Variants in MCM6 observed in about 807,000 individuals in gnomAD.
The protein encoded by MCM6 is DNA replication licensing factor MCM6.
MCM6 carries 46 observed loss-of-function variants against 94.3 expected under a neutral mutation model. The ratio of observed to expected loss-of-function variants is 0.49; its 90% CI spans 0.39 to 0.62. MCM6 has a LOEUF of 0.62. Among genes scored for constraint, MCM6 ranks in the 20% least tolerant of loss-of-function variants. The probability of loss-of-function intolerance (pLI) is 0.00; values close to 1 mark genes in which losing one functional copy is unlikely to be tolerated. For synonymous variants in MCM6, 335 were observed against 351.9 expected, an observed-to-expected ratio of 0.95 and a Z score of 0.54; for missense variants, 865 against 1,017.9, an observed-to-expected ratio of 0.85 and a Z score of 2.04.
chr2:135,847,496 A>G (rs1383278154), intron 14 of MCM6, among the ~76,000 whole-genome samples: 1 of 152,218 alleles, frequency 6.6e-6, no homozygotes, highest in Non-Finnish European at 1.5e-5. Flanking sequence ...AACAATACAA[A>G]TAAGGGTAAA....
rs1249329958 is a variant in MCM6 at position 135,866,173 on chromosome 2, G to C, written c.886C>G (p.Leu296Val). 6.2e-7 allele frequency: 1 copy of C among 1,614,174 alleles called. No homozygotes were observed. The highest frequency in any genetic ancestry group is 1.1e-5 in the South Asian group (1 of 91,086). Residue 296 changes from leucine (L) to valine (V), a missense_variant, in exon 6 of 17, where the codon CTG becomes GTG. By Grantham distance (32) the Leu-to-Val change is conservative (BLOSUM62 1). Around this residue, in one of 3 missense-constraint regions of MCM6, gnomAD observed 404 missense variants for 451.9 expected, o/e 0.89. Transcript: ENST00000264156. ...GCAACACAGCAGGCAAGAAAGACCAGCCTATAAGAAAGGTCCCTAACACCA... is the reference window on the plus strand; with the variant it reads ...GCAACACAGCAGGCAAGAAAGACCACCCTATAAGAAAGGTCCCTAACACCA... Reference protein sequence around the residue: ...ALGVRDLSYRLVFLACCVAPT... With the variant: ...ALGVRDLSYRVVFLACCVAPT...
At position 135,851,530 on chromosome 2, in the gene MCM6, G is replaced by T; in HGVS notation, c.1789C>A (p.Gln597Lys). The T allele has an allele frequency of 1.2e-6, 2 of 1,611,558 alleles. No individual in the cohort carries two copies. The part of the protein sequence containing the change: ...SKESEDFIVE[Q>K]YKHLRQRDGS... The stretch of plus-strand genomic sequence containing the variant: ...TCTCTCTGGCGGAGATGTTTATATT[G>T]CTCCACAATGAAGTCCTCTGACTCT... The change falls in exon 13 of 17, where the codon CAA becomes AAA. Residue 597 changes from glutamine to lysine, a missense_variant. Transcript: ENST00000264156.
At chr2:135,875,569 A>G (rs773882102) in intron 1 of MCM6, among the ~76,000 whole-genome samples, 1 of 152,274 alleles carries the variant, frequency 6.6e-6, no homozygotes, top group Middle Eastern at 3.4e-3. Context: ...CAGGAAAAAT[A>G]ACCGGTGGGT....
intron 13 of MCM6, among the ~76,000 whole-genome samples, chr2:135,849,130 C>G (rs566691519): frequency 6.6e-6 from 1 of 152,278 alleles, no homozygotes; most frequent in African/African-American, 2.4e-5. Context: ...ATTCTGGGCA[C>G]CTGGTAGGAA....
intron 7 of MCM6, 111 bp downstream of exon 7, chr2:135,864,902 C>A (rs4988181): frequency 1.3e-6 from 1 of 755,988 alleles, no homozygotes. Context: ...CTCTTTCAGA[C>A]CCACTAAAAA....
In MCM6 at chr2:135,855,548, C is replaced by T. The variant is rs148431409; in HGVS notation, c.1626+1180G>A. The stretch of plus-strand genomic sequence containing the variant: ...AGGCATGGTGGTACAGAGCTGTAGT[C>T]TCAGCTACTTGGGAGGCTGAGGCAG... On this transcript the variant is annotated intron_variant, in intron 11 of 16. Transcript: ENST00000264156. 1.9e-3 allele frequency among the ~76,000 whole-genome samples: 289 copies of T among 152,276 alleles called. 1 individual carries two copies. Among genetic ancestry groups the T allele is most frequent in the African/African-American group, 6.6e-3 (276 of 41,546 alleles).
chr2:135,858,921 T>G (rs55772276), intron 9 of MCM6, among the ~76,000 whole-genome samples: 148 of 152,286 alleles, frequency 9.7e-4, no homozygotes, highest in Middle Eastern at 3.4e-3. Flanking sequence ...AGACAGAGTC[T>G]CGCTCTGTCA....
In MCM6 at chr2:135,839,900, GAC is replaced by G. The variant is rs1263737104; in HGVS notation, c.*933_*934del. ...CTGTCCCACGTGGGCCTTAGCCTCA[GAC>G]AGTTATTTTGCTTTTGTGACCTTTA... On this transcript the variant is annotated 3_prime_UTR_variant, in exon 17 of 17. Transcript: ENST00000264156. The G allele has an allele frequency of 6.6e-6, 1 of 152,146 alleles. No homozygotes were observed. The highest frequency in any genetic ancestry group is 1.5e-5 in the Non-Finnish European group (1 of 68,044). The allele number at this position is 152,146 out of a possible 1,614,324, so 9.4% of individuals were successfully genotyped here. A position where few individuals can be genotyped will look rare whatever the true frequency, so the allele number is the denominator to read the frequency against.
At chr2:135,857,806 T>A in intron 10 of MCM6, 91 bp downstream of exon 10, 1 of 980,014 alleles carries the variant, frequency 1.0e-6, no homozygotes, top group Non-Finnish European at 1.6e-6. Flanking sequence ...CACACTGAAG[T>A]AATGAATTTT....
intron 6 of MCM6, among the ~76,000 whole-genome samples, chr2:135,865,489 C>G (rs1019329517): frequency 6.6e-6 from 1 of 152,160 alleles, no homozygotes; most frequent in Non-Finnish European, 1.5e-5. Flanking sequence ...TTTTCCAATA[C>G]TGAACTATTT....
At chr2:135,847,995 A>T (rs1679702915) in intron 14 of MCM6, 58 bp downstream of exon 14, 2 of 1,402,990 alleles carry the variant, frequency 1.4e-6, no homozygotes, top group Admixed American at 1.8e-5. Context: ...ACCACATGAC[A>T]TCTCAGAAAA....
At chr2:135,864,033 C>A (rs147411248) in intron 7 of MCM6, among the ~76,000 whole-genome samples, 2,316 of 152,116 alleles carry the variant, frequency 0.015, 58 homozygotes, top group African/African-American at 0.053. Context: ...ATCGCTTGAA[C>A]CCGGGAGGCA....
At chr2:135,864,424 G>T (rs1441376711) in intron 7 of MCM6, among the ~76,000 whole-genome samples, 1 of 152,116 alleles carries the variant, frequency 6.6e-6, no homozygotes, top group Non-Finnish European at 1.5e-5. Context: ...TAGCCCAGGA[G>T]GGAGTGCTTC....
intron 7 of MCM6, among the ~76,000 whole-genome samples, chr2:135,863,145 T>C (rs937909140): frequency 1.3e-5 from 2 of 152,208 alleles, no homozygotes; most frequent in African/African-American, 4.8e-5. Flanking sequence ...TATAGTTCTG[T>C]GAAGAGTTTG....
chr2:135,850,731 T>C (rs1324455556), intron 13 of MCM6, among the ~76,000 whole-genome samples: 1 of 152,162 alleles, frequency 6.6e-6, no homozygotes, highest in Non-Finnish European at 1.5e-5. Flanking sequence ...ATTATGGAAA[T>C]GTTTTGGATC....
Position 135,872,816 on chromosome 2 carries a change from T to C in MCM6, c.135A>G (p.Lys45=). 6.2e-7 allele frequency: 1 copy of C among 1,614,184 alleles called. No homozygotes were observed. Among genetic ancestry groups the C allele is most frequent in the Non-Finnish European group, 8.5e-7 (1 of 1,180,036 alleles). ...EEFQSSDGEI[K]YLQLAEELIR... ...TCAGTTCCTCTGCTAATTGCAAGTATTTAATTTCTCCATCGCTGCTCTGAA... is the reference window on the plus strand; with the variant it reads ...TCAGTTCCTCTGCTAATTGCAAGTACTTAATTTCTCCATCGCTGCTCTGAA... Residue 45 remains lysine, a synonymous_variant, in exon 2 of 17, where the codon AAA becomes AAG. Coordinates refer to ENST00000264156, the MANE Select transcript of MCM6 (RefSeq NM_005915.6).
intron 16 of MCM6, among the ~76,000 whole-genome samples, chr2:135,843,956 A>C (rs1679627762): frequency 6.6e-6 from 1 of 152,006 alleles, no homozygotes; most frequent in African/African-American, 2.4e-5. Context: ...GAGTGAGGCA[A>C]AGAACTGACC....
intron 12 of MCM6, chr2:135,852,034 C>G (rs1388826792): frequency 6.5e-6 from 1 of 153,558 alleles, no homozygotes; most frequent in Non-Finnish European, 1.5e-5. Context: ...AGGAAGCATG[C>G]CAAGGTTACA....
intron 15 of MCM6, among the ~76,000 whole-genome samples, chr2:135,845,813 A>G (rs1056595615): frequency 2.0e-5 from 3 of 152,224 alleles, no homozygotes; most frequent in African/African-American, 7.2e-5. Context: ...ATTTTACTCC[A>G]TTTCTAGTCT....
Sources: gnomAD v4.1 joint callset for allele counts (sites outside exome capture counted in the v4.1 genomes callset) on GRCh38, gnomAD v4.1.1 for gene constraint, gnomAD v4.1.1 regional missense constraint, MANE v1.5 for transcripts, NCBI Gene and HGNC (gene_info 2026-07-23, HGNC 2026-07-21) for gene names.